CREB5: variants seen among roughly 807,000 people sequenced by gnomAD.
CREB5 encodes cAMP responsive element binding protein 5, also known as cyclic AMP-responsive element-binding protein 5.
A neutral mutation model predicts 57.1 loss-of-function variants in CREB5; 19 were observed. The ratio of observed to expected loss-of-function variants is 0.33; its 90% CI spans 0.23 to 0.49. The LOEUF is 0.49. Ranked by LOEUF, CREB5 falls within the 20% of genes least tolerant of loss-of-function variation. CREB5 has a pLI of 0.99. For missense variants in CREB5, 579 were observed against 671.6 expected (o/e 0.86, Z 1.52); for synonymous variants, 238 against 238.3 (o/e 1.00, Z 0.01).
intron 3 of CREB5, among the ~76,000 whole-genome samples, chr7:28,499,235 G>C (rs1792179594): frequency 6.7e-6 from 1 of 148,860 alleles, no homozygotes; most frequent in Non-Finnish European, 1.5e-5. Flanking sequence ...ATTTATAGCT[G>C]AACAGACAAG....
At chr7:28,789,214 T>C (rs1380677239) in intron 7 of CREB5, among the ~76,000 whole-genome samples, 1 of 152,244 alleles carries the variant, frequency 6.6e-6, no homozygotes, top group Non-Finnish European at 1.5e-5. Context: ...TGTTGTTTTA[T>C]AGGTATTATA....
chr7:28,435,068 G>A (rs529967282), intron 1 of CREB5, among the ~76,000 whole-genome samples: 1 of 148,904 alleles, frequency 6.7e-6, no homozygotes, highest in South Asian at 2.1e-4. Context: ...ATGAACACTG[G>A]AATTATCACC....
chr7:28,452,097 C>T (rs1050147177), intron 1 of CREB5, among the ~76,000 whole-genome samples: 4 of 152,116 alleles, frequency 2.6e-5, no homozygotes, highest in African/African-American at 4.8e-5. Flanking sequence ...CTTAGACTGG[C>T]GATTTCTTTC....
intron 1 of CREB5, among the ~76,000 whole-genome samples, chr7:28,404,290 G>T (rs1397300823): frequency 1.3e-5 from 2 of 152,166 alleles, no homozygotes; most frequent in Non-Finnish European, 1.5e-5. Flanking sequence ...TAGGGTTCTT[G>T]GTTGTTTATG....
chr7:28,673,468 A>G (rs1800149156), intron 5 of CREB5, among the ~76,000 whole-genome samples: 1 of 152,206 alleles, frequency 6.6e-6, no homozygotes, highest in East Asian at 1.9e-4. Context: ...AATCACATAC[A>G]TTAATAAGGT....
In CREB5 at chr7:28,819,728, CT is replaced by C. The variant is rs1264358747; in HGVS notation, c.*450del. 1 of 154,144 alleles carries C rather than the reference CT, an allele frequency of 6.5e-6. No homozygotes were observed. The highest frequency in any genetic ancestry group is 1.4e-5 in the Non-Finnish European group (1 of 69,056). The allele number at this position is 154,144 out of a possible 1,614,324, so 9.5% of individuals were successfully genotyped here. A position where few individuals can be genotyped will look rare whatever the true frequency, so the allele number is the denominator to read the frequency against. On this transcript the variant is annotated 3_prime_UTR_variant, in exon 11 of 11. Transcript: ENST00000357727. ...CATCTTAACTCATGTTGAGTTTGTGCTGTGGTGTCACCAGAATTCCAGATAA... is the reference window on the plus strand; with the variant it reads ...CATCTTAACTCATGTTGAGTTTGTGCGTGGTGTCACCAGAATTCCAGATAA...
intron 1 of CREB5, among the ~76,000 whole-genome samples, chr7:28,311,826 C>A (rs375034083): frequency 6.6e-6 from 1 of 152,180 alleles, no homozygotes; most frequent in Non-Finnish European, 1.5e-5. Flanking sequence ...AGAACCTTCT[C>A]CGCAGCAAAA....
chr7:28,346,692 G>A (rs1786063975), intron 1 of CREB5, among the ~76,000 whole-genome samples: 1 of 152,158 alleles, frequency 6.6e-6, no homozygotes, highest in African/African-American at 2.4e-5. Flanking sequence ...GGGACTTTGG[G>A]CCAGACACTT....
chr7:28,503,217 T>C (rs1010733887), intron 3 of CREB5, among the ~76,000 whole-genome samples: 1 of 152,210 alleles, frequency 6.6e-6, no homozygotes, highest in Non-Finnish European at 1.5e-5. Context: ...AAGGCAAGTA[T>C]CCTGTACCTA....
At chr7:28,787,845 C>T (rs566113822) in intron 7 of CREB5, among the ~76,000 whole-genome samples, 56 of 152,290 alleles carry the variant, frequency 3.7e-4, no homozygotes, top group African/African-American at 1.1e-3. Flanking sequence ...TGAACCACCA[C>T]GCCTAGCCTG....
intron 5 of CREB5, among the ~76,000 whole-genome samples, chr7:28,693,962 G>A (rs1247361287): frequency 2.6e-5 from 4 of 152,188 alleles, no homozygotes; most frequent in African/African-American, 9.7e-5. Context: ...GAGGTGAAGA[G>A]AGAATCATAC....
At chr7:28,742,410 C>CA (rs536772941) in intron 7 of CREB5, among the ~76,000 whole-genome samples, 10 of 151,442 alleles carry the variant, frequency 6.6e-5, no homozygotes, top group Non-Finnish European at 1.5e-4. Context: ...ACTAAAAATA[C>CA]AAAAAATTAG....
At chr7:28,756,409 A>G (rs1805302716) in intron 7 of CREB5, among the ~76,000 whole-genome samples, 1 of 152,054 alleles carries the variant, frequency 6.6e-6, no homozygotes, top group African/African-American at 2.4e-5. Flanking sequence ...ATACAAAATT[A>G]GCCAGGCATG....
intron 7 of CREB5, among the ~76,000 whole-genome samples, chr7:28,772,541 C>A (rs115991640): frequency 2.9e-3 from 438 of 152,158 alleles, no homozygotes; most frequent in African/African-American, 0.01. Context: ...TGAAATTGCC[C>A]GTTCATTCCA....
intron 1 of CREB5, among the ~76,000 whole-genome samples, chr7:28,390,166 G>A (rs1014068902): frequency 3.3e-5 from 5 of 151,636 alleles, no homozygotes; most frequent in African/African-American, 4.8e-5. Context: ...GTATTATTAT[G>A]AGGCAATTGA....
chr7:28,598,373 G>A (rs1796771132), intron 5 of CREB5, among the ~76,000 whole-genome samples: 1 of 152,124 alleles, frequency 6.6e-6, no homozygotes, highest in African/African-American at 2.4e-5. Flanking sequence ...TTTATCAGCA[G>A]CATGAAAATG....
At chr7:28,300,122 C>T (rs1278604768) in intron 1 of CREB5, among the ~76,000 whole-genome samples, 2 of 151,146 alleles carry the variant, frequency 1.3e-5, no homozygotes, top group African/African-American at 4.9e-5. Flanking sequence ...TGTTTCATTT[C>T]ACTCATACAG....
intron 4 of CREB5, among the ~76,000 whole-genome samples, chr7:28,567,543 C>T (rs905674793): frequency 7.2e-5 from 11 of 152,148 alleles, no homozygotes; most frequent in African/African-American, 1.4e-4. Context: ...CTGGGCTTAC[C>T]GTCTAGGGGA....
chr7:28,308,477 C>A (rs1685727703), intron 1 of CREB5, among the ~76,000 whole-genome samples: 2 of 152,168 alleles, frequency 1.3e-5, no homozygotes, highest in Admixed American at 6.5e-5. Flanking sequence ...TTACTAGTAG[C>A]CTCATTTTGC....
Sources: gnomAD v4.1 joint callset for allele counts (sites outside exome capture counted in the v4.1 genomes callset) on GRCh38, gnomAD v4.1.1 for gene constraint, MANE v1.5 for transcripts, NCBI Gene and HGNC (gene_info 2026-07-23, HGNC 2026-07-21) for gene names.